Variants in PTPRM observed in about 807,000 individuals in gnomAD.
PTPRM encodes receptor-type tyrosine-protein phosphatase mu.
Under a neutral mutation model 186.7 loss-of-function variants are expected in PTPRM, and 47 were observed. The ratio of observed to expected loss-of-function variants is 0.25; its 90% CI spans 0.20 to 0.32. PTPRM has a LOEUF of 0.32. Among genes scored for constraint, PTPRM ranks in the 10% least tolerant of loss-of-function variants. The pLI is 1.00. For missense variants in PTPRM, 1,494 were observed against 1,865.0 expected (o/e 0.80, Z 3.66); for synonymous variants, 668 against 674.9 (o/e 0.99, Z 0.16).
intron 2 of PTPRM, among the ~76,000 whole-genome samples, chr18:7,869,568 G>A (rs1361073650): frequency 2.0e-5 from 3 of 152,176 alleles, no homozygotes; most frequent in Admixed American, 6.5e-5. Context: ...GGGTACCTCA[G>A]TTGGAAATGC....
At chr18:7,964,934 C>T (rs1561999) in intron 7 of PTPRM, among the ~76,000 whole-genome samples, 58,375 of 151,820 alleles carry the variant, frequency 0.38, 13,442 homozygotes, top group African/African-American at 0.66. Context: ...ATATGAGACA[C>T]TGTTATGCTG....
intron 13 of PTPRM, among the ~76,000 whole-genome samples, chr18:8,125,375 A>G (rs547878128): frequency 6.6e-6 from 1 of 152,200 alleles, no homozygotes; most frequent in Non-Finnish European, 1.5e-5. Context: ...ACCCCAATCA[A>G]TGATAAGAAA....
intron 9 of PTPRM, among the ~76,000 whole-genome samples, chr18:8,084,625 A>G (rs527415278): frequency 3.0e-4 from 45 of 152,348 alleles, no homozygotes; most frequent in African/African-American, 1.1e-3. Context: ...CACTTCGTAT[A>G]ATAACAGTGT....
intron 7 of PTPRM, among the ~76,000 whole-genome samples, chr18:8,007,780 C>G (rs947911052): frequency 6.6e-6 from 1 of 152,170 alleles, no homozygotes; most frequent in Non-Finnish European, 1.5e-5. Flanking sequence ...CACTGAGGGT[C>G]TCATTCCAAA....
At chr18:7,957,712 C>G (rs2053407670) in intron 7 of PTPRM, among the ~76,000 whole-genome samples, 1 of 152,188 alleles carries the variant, frequency 6.6e-6, no homozygotes, top group South Asian at 2.1e-4. Flanking sequence ...ATGGTTCACC[C>G]TTTCTTGACC....
At chr18:8,291,770 C>T (rs2095045599) in intron 19 of PTPRM, among the ~76,000 whole-genome samples, 2 of 151,218 alleles carry the variant, frequency 1.3e-5, no homozygotes, top group African/African-American at 4.9e-5. Context: ...AGTAAAGTTA[C>T]ACATAACCCA....
chr18:8,390,844 C>T (rs1269736566), intron 31 of PTPRM, among the ~76,000 whole-genome samples: 5 of 151,952 alleles, frequency 3.3e-5, no homozygotes, highest in Admixed American at 6.6e-5. Flanking sequence ...AGGAAAATGA[C>T]GTGAACCCGG....
intron 14 of PTPRM, among the ~76,000 whole-genome samples, chr18:8,164,017 G>A (rs1399124668): frequency 2.6e-5 from 4 of 152,208 alleles, no homozygotes; most frequent in Non-Finnish European, 5.9e-5. Context: ...CTGTGTGCAA[G>A]TAACAATCTA....
chr18:7,719,084 A>G (rs537658557), intron 1 of PTPRM, among the ~76,000 whole-genome samples: 1 of 152,204 alleles, frequency 6.6e-6, no homozygotes, highest in African/African-American at 2.4e-5. Flanking sequence ...ATATGAAAAG[A>G]CACTTGCACA....
At chr18:7,690,514 C>T (rs887152068) in intron 1 of PTPRM, among the ~76,000 whole-genome samples, 2 of 152,080 alleles carry the variant, frequency 1.3e-5, no homozygotes, top group African/African-American at 2.4e-5. Context: ...GACAGTGTGT[C>T]TTAAAAAGTG....
intron 5 of PTPRM, among the ~76,000 whole-genome samples, chr18:7,935,023 C>A (rs971826355): frequency 6.6e-6 from 1 of 151,424 alleles, no homozygotes; most frequent in Admixed American, 6.6e-5. Flanking sequence ...CTTTTAGTTT[C>A]ATTTGTTGAT....
chr18:8,064,228 C>G (rs893731889), intron 7 of PTPRM, among the ~76,000 whole-genome samples: 6 of 152,000 alleles, frequency 3.9e-5, no homozygotes, highest in Non-Finnish European at 8.8e-5. Flanking sequence ...GTTTACTTAC[C>G]TTTACAATTT....
intron 14 of PTPRM, among the ~76,000 whole-genome samples, chr18:8,183,647 A>AAT (rs1318995552): frequency 2.0e-5 from 3 of 152,178 alleles, no homozygotes; most frequent in Non-Finnish European, 4.4e-5. Flanking sequence ...GGGAGGAATA[A>AAT]AATAGTTAAC....
rs2036471926 is a variant in PTPRM at position 7,568,054 on chromosome 18, G to T, written c.73+163G>T. On this transcript the variant is annotated intron_variant, in intron 1 of 32. Transcript: ENST00000580170. This position sits in a 1 kb window ranked among gnomAD's most constrained non-coding sequence, Gnocchi z 5.1. ...TCTGCCTGTGAGCCGGGCGCTGGGCGAGGGGCCGTGGGGCTGGCAGGCACC... is the reference window on the plus strand; with the variant it reads ...TCTGCCTGTGAGCCGGGCGCTGGGCTAGGGGCCGTGGGGCTGGCAGGCACC... 6.6e-6 allele frequency among the ~76,000 whole-genome samples: 1 copy of T among 151,848 alleles called. No individual in the cohort carries two copies. The highest frequency in any genetic ancestry group is 6.6e-5 in the Admixed American group (1 of 15,244).
intron 22 of PTPRM, among the ~76,000 whole-genome samples, chr18:8,339,446 C>A (rs773067322): frequency 6.6e-6 from 1 of 152,158 alleles, no homozygotes; most frequent in Non-Finnish European, 1.5e-5. Flanking sequence ...TGGCTCCCCC[C>A]CAGCCAGAAA....
At chr18:8,232,181 TG>T (rs1287077967) in intron 14 of PTPRM, among the ~76,000 whole-genome samples, 1 of 152,224 alleles carries the variant, frequency 6.6e-6, no homozygotes, top group African/African-American at 2.4e-5. Context: ...ATTAGGTCAG[TG>T]CAAAAGCAAT....
At chr18:8,159,970 T>C (rs1250151141) in intron 14 of PTPRM, among the ~76,000 whole-genome samples, 1 of 152,078 alleles carries the variant, frequency 6.6e-6, no homozygotes, top group Non-Finnish European at 1.5e-5. Context: ...TAGTATGAAT[T>C]TGTTAAAGTT....
chr18:7,937,209 TTGTGGGTGACA>T (rs1409885098), intron 5 of PTPRM, among the ~76,000 whole-genome samples: 1 of 152,162 alleles, frequency 6.6e-6, no homozygotes, highest in Non-Finnish European at 1.5e-5. Flanking sequence ...GCTCACCACG[TTGTGGGTGACA>T]AGAAAGAAGG....
chr18:7,783,368 A>G (rs1356049023), intron 2 of PTPRM, among the ~76,000 whole-genome samples: 1 of 152,152 alleles, frequency 6.6e-6, no homozygotes, highest in African/African-American at 2.4e-5. Flanking sequence ...CCTTGGCAAT[A>G]TGAGTCAAGA....
Sources: gnomAD v4.1 joint callset for allele counts (sites outside exome capture counted in the v4.1 genomes callset) on GRCh38, gnomAD v4.1.1 for gene constraint, Gnocchi (gnomAD v3.1) non-coding constraint, MANE v1.5 for transcripts, NCBI Gene and HGNC (gene_info 2026-07-23, HGNC 2026-07-21) for gene names.